Variants in ZFHX3 observed in about 807,000 individuals in gnomAD.
ZFHX3 encodes the protein zinc finger homeobox protein 3.
A neutral mutation model predicts 279.1 loss-of-function variants in ZFHX3; 42 were observed. The observed-to-expected ratio is 0.15, with a 90% CI of 0.12 to 0.19. ZFHX3 has a LOEUF of 0.19. ZFHX3 is among the 10% of genes least tolerant of loss of function. The pLI is 1.00. For missense variants in ZFHX3, 4,981 were observed against 4,754.0 expected (o/e 1.05, Z -1.40); for synonymous variants, 2,293 against 1,957.8 (o/e 1.17, Z -4.52).
rs1256267659 is a variant in ZFHX3 at position 72,787,261 on chromosome 16, G to C, written c.11015C>G (p.Ser3672Cys). Residue 3672 changes from serine (S) to cysteine (C), a missense_variant, in exon 10 of 10, where the codon TCC becomes TGC. Physicochemically the swap from Ser to Cys is moderately radical, Grantham distance 112. Around this residue, in one of 7 missense-constraint regions of ZFHX3, gnomAD observed 1,034 missense variants for 786.0 expected, o/e 1.32. Transcript: ENST00000268489. ...CTCCACCGGGCTCGCCGGTCCGTCG[G>C]ACTTTTGGCTGAGATCCGTGTCAGA... ...EESDTDLSQK[S>C]DGPASPVEGP... 1.2e-6 allele frequency: 2 copies of C among 1,614,078 alleles called. No individual in the cohort carries two copies. The highest frequency in any genetic ancestry group is 1.7e-6 in the Non-Finnish European group (2 of 1,180,020).
At chr16:73,007,729 G>A (rs1022609764) in intron 1 of ZFHX3, among the ~76,000 whole-genome samples, 5 of 152,092 alleles carry the variant, frequency 3.3e-5, no homozygotes, top group African/African-American at 9.7e-5. Context: ...ACATACAGGC[G>A]TGAGCCACCG....
chr16:73,230,806 G>A (rs538503528), intron 5 of ZFHX3, among the ~76,000 whole-genome samples: 2 of 152,300 alleles, frequency 1.3e-5, no homozygotes, highest in Admixed American at 1.3e-4. Flanking sequence ...GAGCTAATCA[G>A]AAGCCAGAAA....
intron 5 of ZFHX3, among the ~76,000 whole-genome samples, chr16:73,192,094 A>G (rs573237131): frequency 1.3e-5 from 2 of 152,172 alleles, no homozygotes; most frequent in East Asian, 3.9e-4. Context: ...GGATCTGGGG[A>G]CAGAGGGGTG....
At chr16:72,978,383 T>C (rs758760696) in intron 1 of ZFHX3, among the ~76,000 whole-genome samples, 1 of 152,184 alleles carries the variant, frequency 6.6e-6, no homozygotes, top group Admixed American at 6.5e-5. Flanking sequence ...GAGGAGGTGA[T>C]GCAATTTCAT....
intron 3 of ZFHX3, among the ~76,000 whole-genome samples, chr16:72,931,540 A>C (rs1213857110): frequency 1.3e-5 from 2 of 150,848 alleles, no homozygotes; most frequent in Non-Finnish European, 2.9e-5. Flanking sequence ...CAACGTACCG[A>C]CAGGGAAGAG....
At chr16:73,026,893 A>T (rs1964531476) in intron 1 of ZFHX3, among the ~76,000 whole-genome samples, 1 of 152,200 alleles carries the variant, frequency 6.6e-6, no homozygotes, top group African/African-American at 2.4e-5. Flanking sequence ...ACAGCTAGTT[A>T]GCAGTAGATT....
At chr16:73,264,329 G>T (rs1468658291) in intron 4 of ZFHX3, among the ~76,000 whole-genome samples, 2 of 151,884 alleles carry the variant, frequency 1.3e-5, no homozygotes, top group African/African-American at 4.9e-5. Flanking sequence ...AATAAATGAA[G>T]GGTTTCCTGG....
chr16:73,860,576 A>C (rs1230359080), intron 1 of ZFHX3, among the ~76,000 whole-genome samples: 1 of 152,184 alleles, frequency 6.6e-6, no homozygotes, highest in Non-Finnish European at 1.5e-5. Context: ...CTTGTCTACT[A>C]CGCCAATTCT....
At chr16:72,970,021 T>C (rs1302109958) in intron 1 of ZFHX3, among the ~76,000 whole-genome samples, 1 of 152,150 alleles carries the variant, frequency 6.6e-6, no homozygotes, top group East Asian at 1.9e-4. Flanking sequence ...AGTGCATCTG[T>C]GCTATTTCCA....
intron 2 of ZFHX3, among the ~76,000 whole-genome samples, chr16:73,457,620 A>C (rs2018396188): frequency 6.6e-6 from 1 of 152,138 alleles, no homozygotes. Context: ...TAAAAATACA[A>C]AAATTAACCT....
At chr16:73,631,671 G>A (rs1440332143) in intron 2 of ZFHX3, among the ~76,000 whole-genome samples, 3 of 152,144 alleles carry the variant, frequency 2.0e-5, no homozygotes, top group African/African-American at 4.8e-5. Flanking sequence ...TTGGGAGGCC[G>A]AGGCAGGTGG....
chr16:73,722,201 T>C (rs2053479722), intron 1 of ZFHX3, among the ~76,000 whole-genome samples: 1 of 152,198 alleles, frequency 6.6e-6, no homozygotes, highest in Admixed American at 6.5e-5. Context: ...ACCTACATCC[T>C]AATGGAGCAG....
intron 1 of ZFHX3, among the ~76,000 whole-genome samples, chr16:73,862,049 C>G (rs184707880): frequency 6.6e-6 from 1 of 152,308 alleles, no homozygotes; most frequent in Non-Finnish European, 1.5e-5. Flanking sequence ...TTCCTAGCTG[C>G]CCCTGTAATT....
chr16:73,220,260 G>A (rs2012366050), intron 5 of ZFHX3, among the ~76,000 whole-genome samples: 1 of 152,004 alleles, frequency 6.6e-6, no homozygotes, highest in African/African-American at 2.4e-5. Context: ...TTACTACCTG[G>A]GTGATGGGAT....
At chr16:73,392,841 T>G (rs201274035) in intron 3 of ZFHX3, among the ~76,000 whole-genome samples, 1 of 6,548 alleles carries the variant, frequency 1.5e-4, no homozygotes, top group Non-Finnish European at 5.5e-4. Flanking sequence ...TTGTTTTTTG[T>G]TTTTTTGTTT....
intron 1 of ZFHX3, among the ~76,000 whole-genome samples, chr16:73,739,053 A>G (rs746412347): frequency 1.3e-5 from 2 of 152,170 alleles, no homozygotes; most frequent in Non-Finnish European, 2.9e-5. Flanking sequence ...CCCTCGGACA[A>G]GGAGCGGTCG....
At chr16:73,751,819 A>G (rs555578116) in intron 1 of ZFHX3, among the ~76,000 whole-genome samples, 57 of 152,148 alleles carry the variant, frequency 3.7e-4, no homozygotes, top group Non-Finnish European at 6.5e-4. Flanking sequence ...CCTCCCTTGT[A>G]TCAGAGATGC....
At chr16:73,679,372 G>T (rs1214752688) in intron 2 of ZFHX3, 1 of 152,038 alleles carries the variant, frequency 6.6e-6, no homozygotes, top group Non-Finnish European at 1.5e-5. Context: ...AGATGTTTTT[G>T]CTAGACAACG....
chr16:72,948,097 C>T (rs1030178022), intron 3 of ZFHX3, among the ~76,000 whole-genome samples: 6 of 152,182 alleles, frequency 3.9e-5, no homozygotes, highest in African/African-American at 9.7e-5. Flanking sequence ...ACAATCCCAG[C>T]GGTGTCATCC....
Sources: gnomAD v4.1 joint callset for allele counts (sites outside exome capture counted in the v4.1 genomes callset) on GRCh38, gnomAD v4.1.1 for gene constraint, gnomAD v4.1.1 regional missense constraint, MANE v1.5 for transcripts, NCBI Gene and HGNC (gene_info 2026-07-23, HGNC 2026-07-21) for gene names.